The following SHISA3 variants were observed in gnomAD, a reference collection of about 807,000 sequenced individuals.
SHISA3 encodes the protein protein shisa-3 homolog.
Under a neutral mutation model 19.2 loss-of-function variants are expected in SHISA3, and 15 were observed. The ratio of observed to expected loss-of-function variants is 0.78; its 90% CI spans 0.52 to 1.20. The LOEUF (loss-of-function observed/expected upper bound fraction) is 1.20. SHISA3 is among the 50% of genes most tolerant of loss of function. The pLI is 0.00. For missense variants in SHISA3, 327 were observed against 315.7 expected, an observed-to-expected ratio of 1.04 and a Z score of -0.27; for synonymous variants, 145 against 135.2, an observed-to-expected ratio of 1.07 and a Z score of -0.50.
chr4:42,398,198 T>C lies in SHISA3; in HGVS notation c.142T>C (p.Phe48Leu), dbSNP rs1384927374. The change falls in exon 1 of 2, where the codon TTC becomes CTC. Residue 48 changes from phenylalanine (F) to leucine (L), a missense_variant. Phe to Leu is a conservative substitution (Grantham distance 22). Coordinates refer to ENST00000319234, the MANE Select transcript of SHISA3 (RefSeq NM_001080505.3). ...YHEGFQCPED[F>L]DTLDATICCG... ...CGAGGGCTTCCAGTGCCCAGAGGAC[T>C]TCGACACGCTGGACGCTACCATCTG... is the stretch of plus-strand genomic sequence containing the variant. 1 of 1,604,414 alleles carries C rather than the reference T, an allele frequency of 6.2e-7. No individual in the cohort carries two copies.
rs1225176753 is a variant in SHISA3, at chr4:42,398,074, G to T, written c.18G>T (p.Ala6=). The T allele has an allele frequency of 1.9e-6, 3 of 1,597,386 alleles. No individual in the cohort carries two copies. The change falls in exon 1 of 2, where the codon GCG becomes GCT. Residue 6 remains alanine, a synonymous_variant. Transcript: ENST00000319234. ...CAGTGGCGATGAGGGCACTGCTGGC[G>T]CTTTGCCTTCTCCTTGGCTGGCTGC... is the stretch of plus-strand genomic sequence containing the variant. MRALL[A]LCLLLGWLRW...
chr4:42,400,166 G>C (rs924984132), intron 1 of SHISA3, among the ~76,000 whole-genome samples: 2 of 152,338 alleles, frequency 1.3e-5, no homozygotes, highest in Non-Finnish European at 2.9e-5. Flanking sequence ...TCTATCAGGG[G>C]AGAGACCTGG....
chr4:42,400,541 A>G (rs972822246), intron 1 of SHISA3, among the ~76,000 whole-genome samples: 2 of 152,122 alleles, frequency 1.3e-5, no homozygotes, highest in Admixed American at 1.3e-4. Flanking sequence ...AATCTCATTT[A>G]ATAGGCCTGG....
At position 42,398,311 on chromosome 4, in the gene SHISA3, G is replaced by A. The variant is rs528633270; in HGVS notation, c.255G>A (p.Leu85=). Residue 85 remains leucine, a synonymous_variant, in exon 1 of 2, where the codon CTG becomes CTA. Transcript: ENST00000319234. ...GCTGCACCAACGACCGCCGCGAACT[G>A]GAGCACCCAGGCATCACTGCGCGTA... ...QGGCTNDRRE[L]EHPGITAQPV... is the part of the protein sequence containing the mutation. 13 of 1,559,836 alleles carry A rather than the reference G, an allele frequency of 8.3e-6. No individual in the cohort carries two copies. In the African/African-American group the frequency reaches 1.5e-4, roughly 18 times the overall value.
intron 1 of SHISA3, 88 bp downstream of exon 1, chr4:42,398,421 G>A: frequency 1.4e-6 from 2 of 1,384,596 alleles, no homozygotes; most frequent in Non-Finnish European, 1.9e-6. Flanking sequence ...GACCCAGGCA[G>A]GTCTATGCGC....
Position 42,401,087 on chromosome 4 carries a change from T to C in SHISA3, c.353T>C (p.Ile118Thr), listed in dbSNP as rs1226362376. 6.2e-7 allele frequency: 1 copy of C among 1,614,052 alleles called. No individual in the cohort carries two copies. Among genetic ancestry groups the C allele is most frequent in the Non-Finnish European group, 8.5e-7 (1 of 1,180,026 alleles). Residue 118 changes from isoleucine (I) to threonine (T), a missense_variant, in exon 2 of 2, where the codon ATT becomes ACT. Coordinates refer to ENST00000319234, the MANE Select transcript of SHISA3 (RefSeq NM_001080505.3). ...AFIILGSVVAIYCCTCLRPKE... is the reference protein window; with the variant it reads ...AFIILGSVVATYCCTCLRPKE... ...ATCATCCTGGGCTCTGTAGTGGCTA[T>C]TTATTGTTGCACCTGTTTGAGACCC... is the stretch of plus-strand genomic sequence containing the variant.
At position 42,398,243 on chromosome 4, in the gene SHISA3, C is replaced by T. The variant is rs781576923; in HGVS notation, c.187C>T (p.Arg63Cys). The stretch of plus-strand genomic sequence containing the variant: ...CATCTGCTGCGGCTCCTGCGCGCTC[C>T]GCTACTGTTGCGCCGCGGCCGACGC... ...ATICCGSCAL[R>C]YCCAAADARL... Residue 63 changes from arginine (R) to cysteine (C), a missense_variant, in exon 1 of 2, where the codon CGC becomes TGC. Arg to Cys is a radical substitution (Grantham distance 180). Transcript: ENST00000319234. 11 of 1,580,120 alleles carry T rather than the reference C, an allele frequency of 7.0e-6. No individual in the cohort carries two copies. Among genetic ancestry groups the T allele is most frequent in the South Asian group, 2.3e-5 (2 of 86,646 alleles).
Position 42,397,876 on chromosome 4 carries a change from G to A in SHISA3, c.-181G>A, listed in dbSNP as rs1424539512. ...TGACTCCCGGCCTGCGGAACTCGTA[G>A]TGCAGCCCCTGTCGCCTCCCCGGCC... On this transcript the variant is annotated 5_prime_UTR_variant, in exon 1 of 2. The change creates a new upstream start codon in the 5' untranslated region. Coordinates refer to ENST00000319234, the MANE Select transcript of SHISA3 (RefSeq NM_001080505.3). The A allele has an allele frequency of 1.8e-6, 1 of 564,376 alleles. No individual in the cohort carries two copies. The highest frequency in any genetic ancestry group is 3.0e-6 in the Non-Finnish European group (1 of 332,294). The allele number at this position is 564,376 out of a possible 1,614,324, so 35.0% of individuals were successfully genotyped here. A position where few individuals can be genotyped will look rare whatever the true frequency, so the allele number is the denominator to read the frequency against.
rs903796309 is a variant in SHISA3 at position 42,401,671 on chromosome 4, C to A, written c.*220C>A. The A allele has an allele frequency of 7.9e-6, 4 of 507,598 alleles. No individual in the cohort carries two copies. The highest frequency in any genetic ancestry group is 1.4e-5 in the Non-Finnish European group (4 of 294,014). The allele number at this position is 507,598 out of a possible 1,614,324, so 31.4% of individuals were successfully genotyped here. A position where few individuals can be genotyped will look rare whatever the true frequency, so the allele number is the denominator to read the frequency against. ...TTTTCTGGTTTTGCAAACATGTGAT[C>A]ATTACATTTCAATCTATGCTACTTT... On this transcript the variant is annotated 3_prime_UTR_variant, in exon 2 of 2. Transcript: ENST00000319234.
intron 1 of SHISA3, 32 bp from the exon 2 acceptor site, chr4:42,400,980 A>G (rs1711894466): frequency 6.2e-7 from 1 of 1,600,732 alleles, no homozygotes; most frequent in Non-Finnish European, 8.5e-7. Context: ...TCCTCATCTG[A>G]GCATCTGTTT....
In SHISA3 at chr4:42,398,351, G is replaced by C. The variant is rs1254919352; in HGVS notation, c.277+18G>C. Reference sequence around the variant, plus strand: ...CACTGCGCGTAAGTGCGGGGCCCTCGGGGACATATCCCCGCCCGCCTAACG... The same window carrying C: ...CACTGCGCGTAAGTGCGGGGCCCTCCGGGACATATCCCCGCCCGCCTAACG... On this transcript the variant is annotated intron_variant, in intron 1 of 1. Coordinates refer to ENST00000319234, the MANE Select transcript of SHISA3 (RefSeq NM_001080505.3). 1 of 1,523,092 alleles carries C rather than the reference G, an allele frequency of 6.6e-7. No homozygotes were observed. 94.3% of individuals were successfully genotyped at this position (1,523,092 alleles called of 1,614,324 possible).
chr4:42,397,891 C>G lies in SHISA3; in HGVS notation c.-166C>G. On this transcript the variant is annotated 5_prime_UTR_variant, in exon 1 of 2. Coordinates refer to ENST00000319234, the MANE Select transcript of SHISA3 (RefSeq NM_001080505.3). ...GGAACTCGTAGTGCAGCCCCTGTCG[C>G]CTCCCCGGCCCCTGCTATCCCACGC... The G allele has an allele frequency of 1.0e-5, 6 of 599,986 alleles. No homozygotes were observed. Among genetic ancestry groups the G allele is most frequent in the Non-Finnish European group, 1.1e-5 (4 of 360,306 alleles). 37.2% of individuals were successfully genotyped at this position (599,986 alleles called of 1,614,324 possible). A position where few individuals can be genotyped will look rare whatever the true frequency, so the allele number is the denominator to read the frequency against.
intron 1 of SHISA3, among the ~76,000 whole-genome samples, chr4:42,399,003 C>T (rs538076002): frequency 1.7e-4 from 26 of 152,292 alleles, no homozygotes; most frequent in African/African-American, 5.5e-4. Context: ...CTTCCCCGCC[C>T]CCTATTCTCA....
Position 42,401,289 on chromosome 4 carries a change from G to A in SHISA3, c.555G>A (p.Pro185=), listed in dbSNP as rs78331918. Residue 185 remains proline (P), a synonymous_variant, in exon 2 of 2, where the codon CCG becomes CCA. Transcript: ENST00000319234. The part of the protein sequence containing the change: ...IRRFSFARAE[P]GCLVPSPPPP... ...GGTTCTCCTTTGCCAGGGCTGAGCC[G>A]GGCTGCCTGGTGCCCTCACCGCCCC... 785 of 1,614,070 alleles carry A rather than the reference G, an allele frequency of 4.9e-4. 3 individuals carry two copies. The African/African-American group carries it at 9.4e-3, about 19-fold the overall frequency.
chr4:42,398,539 C>T (rs1711816822), intron 1 of SHISA3, among the ~76,000 whole-genome samples: 1 of 152,206 alleles, frequency 6.6e-6, no homozygotes, highest in Non-Finnish European at 1.5e-5. Context: ...AGTCCCGCTT[C>T]CCGCCACTTG....
chr4:42,398,924 C>A (rs143657533), intron 1 of SHISA3, among the ~76,000 whole-genome samples: 11 of 152,148 alleles, frequency 7.2e-5, no homozygotes, highest in Non-Finnish European at 1.5e-4. Flanking sequence ...CGGCCCACCC[C>A]CTATTGTCAC....
intron 1 of SHISA3, among the ~76,000 whole-genome samples, chr4:42,398,542 G>T (rs1187993598): frequency 6.6e-6 from 1 of 152,186 alleles, no homozygotes; most frequent in Non-Finnish European, 1.5e-5. Context: ...CCCGCTTCCC[G>T]CCACTTGCGG....
Position 42,398,032 on chromosome 4 carries a change from C to G in SHISA3, c.-25C>G. The G allele has an allele frequency of 6.5e-7, 1 of 1,528,398 alleles. No individual in the cohort carries two copies. Among genetic ancestry groups the G allele is most frequent in the South Asian group, 1.3e-5 (1 of 78,944 alleles). 94.7% of individuals were successfully genotyped at this position (1,528,398 alleles called of 1,614,324 possible). ...TCGCTTTCCAGCTGCGTCCTGCTCC[C>G]GGCCGCCCAGGGAGCCCAGTGGCGA... is the stretch of plus-strand genomic sequence containing the variant. On this transcript the variant is annotated 5_prime_UTR_variant, in exon 1 of 2. Transcript: ENST00000319234.
rs1418310302 is a variant in SHISA3, at chr4:42,401,606, T to C, written c.*155T>C. The stretch of plus-strand genomic sequence containing the variant: ...AACACAGCACCTTCTAATTTGAAAG[T>C]TCCTGTCTCCAATCACAGAAAGGCT... On this transcript the variant is annotated 3_prime_UTR_variant, in exon 2 of 2. Coordinates refer to ENST00000319234, the MANE Select transcript of SHISA3 (RefSeq NM_001080505.3). 2.7e-5 allele frequency: 21 copies of C among 764,962 alleles called. No homozygotes were observed. Among genetic ancestry groups the C allele is most frequent in the Non-Finnish European group, 4.2e-5 (21 of 500,166 alleles). 47.4% of individuals were successfully genotyped at this position (764,962 alleles called of 1,614,324 possible). A position where few individuals can be genotyped will look rare whatever the true frequency, so the allele number is the denominator to read the frequency against.
Sources: allele counts gnomAD v4.1 joint callset (sites outside exome capture counted in the v4.1 genomes callset), GRCh38; gene constraint gnomAD v4.1.1; transcripts MANE v1.5; gene names NCBI Gene and HGNC (gene_info 2026-07-23, HGNC 2026-07-21).